LRBA: variants seen among roughly 807,000 people sequenced by gnomAD.
LRBA encodes the protein LPS responsive beige-like anchor protein, also known as lipopolysaccharide-responsive and beige-like anchor protein.
In LRBA, 176 loss-of-function variants were observed where a neutral mutation model predicts 330.0. That is an observed-to-expected ratio of 0.53 (90% CI 0.47 to 0.60). The LOEUF is 0.60. LRBA is among the 20% of genes least tolerant of loss of function. The probability of loss-of-function intolerance (pLI) is 0.00; values close to 1 mark genes in which losing one functional copy is unlikely to be tolerated. For synonymous variants in LRBA, 1,230 were observed against 1,193.0 expected, an observed-to-expected ratio of 1.03 and a Z score of -0.64; for missense variants, 3,259 against 3,444.8, an observed-to-expected ratio of 0.95 and a Z score of 1.35.
chr4:150,953,900 C>A (rs1429665391), intron 2 of LRBA, among the ~76,000 whole-genome samples: 11 of 149,850 alleles, frequency 7.3e-5, no homozygotes, highest in Non-Finnish European at 1.2e-4. Flanking sequence ...CGGCCGTCAT[C>A]CCGTCTAGGA....
chr4:150,618,568 A>C (rs1775991776), intron 37 of LRBA, among the ~76,000 whole-genome samples: 1 of 152,098 alleles, frequency 6.6e-6, no homozygotes, highest in South Asian at 2.1e-4. Flanking sequence ...AAGTTAAAAA[A>C]GTATAAAGCC....
intron 34 of LRBA, among the ~76,000 whole-genome samples, chr4:150,786,247 T>C (rs896188405): frequency 6.8e-6 from 1 of 147,656 alleles, no homozygotes; most frequent in African/African-American, 2.5e-5. Context: ...TTTTGCATTT[T>C]GCATTTCTTT....
At chr4:150,593,946 A>T (rs1348591433) in intron 38 of LRBA, among the ~76,000 whole-genome samples, 1 of 152,184 alleles carries the variant, frequency 6.6e-6, no homozygotes, top group Admixed American at 6.5e-5. Context: ...AATTGCAATT[A>T]AAAAATTTTT....
chr4:150,777,194 A>G (rs970589241), intron 34 of LRBA, among the ~76,000 whole-genome samples: 1 of 152,002 alleles, frequency 6.6e-6, no homozygotes, highest in African/African-American at 2.4e-5. Flanking sequence ...CCTGACCTCA[A>G]GCAATCCTCC....
chr4:150,703,655 A>C (rs1785328326), intron 36 of LRBA, among the ~76,000 whole-genome samples: 2 of 152,212 alleles, frequency 1.3e-5, no homozygotes, highest in Admixed American at 6.5e-5. Context: ...CGTCCATAAC[A>C]AAACAAAAGG....
Position 150,414,692 on chromosome 4 carries a change from T to C in LRBA, c.7194+746A>G, listed in dbSNP as rs575639198. 2.1e-3 allele frequency among the ~76,000 whole-genome samples: 313 copies of C among 152,230 alleles called. 1 individual carries two copies. Among genetic ancestry groups the C allele is most frequent in the Non-Finnish European group, 1.1e-3 (78 of 68,008 alleles). The stretch of plus-strand genomic sequence containing the variant: ...TTTTAATAGCAGTGGGGTTTCACCA[T>C]GTTGGGCAGGCTGGTCTCGAACTCC... On this transcript the variant is annotated intron_variant, in intron 47 of 56. Coordinates refer to ENST00000651943, the MANE Select transcript of LRBA (RefSeq NM_001364905.1).
Position 150,321,507 on chromosome 4 carries a change from C to G in LRBA, c.7453-139G>C. 1 of 635,968 alleles carries G rather than the reference C, an allele frequency of 1.6e-6. No individual in the cohort carries two copies. Among genetic ancestry groups the G allele is most frequent in the Non-Finnish European group, 2.5e-6 (1 of 395,340 alleles). 39.4% of individuals were successfully genotyped at this position (635,968 alleles called of 1,614,324 possible). ...TTAACATGAGTTGTAAGTGGAAGCACAGTGAGCAGAAAGGCTTGTAGAAAC... is the reference window on the plus strand; with the variant it reads ...TTAACATGAGTTGTAAGTGGAAGCAGAGTGAGCAGAAAGGCTTGTAGAAAC... On this transcript the variant is annotated intron_variant, in intron 49 of 56. Coordinates refer to ENST00000651943, the MANE Select transcript of LRBA (RefSeq NM_001364905.1). The surrounding 1 kb of genome is among the most constrained non-coding windows in gnomAD (Gnocchi z 4.5).
intron 47 of LRBA, among the ~76,000 whole-genome samples, chr4:150,374,906 C>T (rs1354669530): frequency 1.3e-5 from 2 of 152,148 alleles, no homozygotes; most frequent in African/African-American, 4.8e-5. Flanking sequence ...AACTAATATA[C>T]TCAGTGTACG....
chr4:150,444,632 AC>A (rs751803409), intron 44 of LRBA, among the ~76,000 whole-genome samples: 4 of 152,194 alleles, frequency 2.6e-5, no homozygotes, highest in Non-Finnish European at 5.9e-5. Flanking sequence ...TCAGCACACC[AC>A]CGTGGCTTTT....
At chr4:150,663,979 GA>G (rs1781353506) in intron 37 of LRBA, among the ~76,000 whole-genome samples, 1 of 152,092 alleles carries the variant, frequency 6.6e-6, no homozygotes, top group African/African-American at 2.4e-5. Flanking sequence ...AAGAGCATGA[GA>G]AAATATAAAG....
intron 13 of LRBA, among the ~76,000 whole-genome samples, chr4:150,902,368 CT>C (rs992802200): frequency 3.3e-5 from 5 of 151,270 alleles, no homozygotes; most frequent in South Asian, 2.1e-4. Flanking sequence ...AAAAACTTTT[CT>C]TTTTTTTTAA....
chr4:150,736,467 TAA>T (rs1295957858), intron 35 of LRBA, among the ~76,000 whole-genome samples: 1 of 151,518 alleles, frequency 6.6e-6, no homozygotes, highest in African/African-American at 2.4e-5. Flanking sequence ...TAAATAAATA[TAA>T]AAATAGATTT....
chr4:150,471,255 C>A (rs1448369346), intron 43 of LRBA, among the ~76,000 whole-genome samples: 5 of 152,126 alleles, frequency 3.3e-5, no homozygotes, highest in Non-Finnish European at 5.9e-5. Flanking sequence ...AACATTCCAA[C>A]CACCTCCTCT....
chr4:150,771,396 C>G lies in LRBA; in HGVS notation c.5581-9549G>C, dbSNP rs535691498. ...CCAGCTGCTTGAGGATGGTGGGGAA[C>G]ATAGCAAGGCCAGTGAATTCCATGA... On this transcript the variant is annotated intron_variant, in intron 34 of 56. Transcript: ENST00000651943. Among the ~76,000 whole-genome samples the G allele has an allele frequency of 9.2e-5, 14 of 152,244 alleles. No individual in the cohort carries two copies. The South Asian group carries it at 2.9e-3, about 32-fold the overall frequency.
chr4:150,720,808 T>G (rs748069671), intron 36 of LRBA, among the ~76,000 whole-genome samples: 6 of 152,154 alleles, frequency 3.9e-5, no homozygotes, highest in Admixed American at 2.0e-4. Context: ...AAAGAATTTT[T>G]TGGACAAAGA....
rs944517631 is a variant in LRBA, at chr4:150,417,660, A to C, written c.7042-2070T>G. On this transcript the variant is annotated intron_variant, in intron 46 of 56. Transcript: ENST00000651943. ...TTCTCCTAGATTCAAAGCAATAATT[A>C]TAATGGATGAATTTTAAGTGCTAGT... is the stretch of plus-strand genomic sequence containing the variant. Among the ~76,000 whole-genome samples the C allele has an allele frequency of 1.3e-4, 20 of 152,290 alleles. 1 individual carries two copies. In the South Asian group the frequency reaches 1.9e-3, roughly 14 times the overall value.
In LRBA at chr4:150,963,775, T is replaced by C. The variant is rs1163976603; in HGVS notation, c.217-34710A>G. 2.1e-5 allele frequency among the ~76,000 whole-genome samples: 3 copies of C among 143,330 alleles called. 1 individual carries two copies. The highest frequency in any genetic ancestry group is 8.4e-5 in the African/African-American group (3 of 35,582). 94.0% of individuals were successfully genotyped at this position (143,330 alleles called of 152,430 possible). ...GCCTGGCCGCCCATCGTCTGGGATG[T>C]GAGGAGCCCCTCCGCCCGGCCCCCC... On this transcript the variant is annotated intron_variant, in intron 2 of 56. Coordinates refer to ENST00000651943, the MANE Select transcript of LRBA (RefSeq NM_001364905.1).
intron 36 of LRBA, among the ~76,000 whole-genome samples, chr4:150,732,700 G>A (rs1447535629): frequency 6.6e-6 from 1 of 151,918 alleles, no homozygotes; most frequent in Admixed American, 6.6e-5. Context: ...GTTTTTCCAA[G>A]TTGTTGATGG....
At chr4:150,467,003 GA>G (rs1378838565) in intron 44 of LRBA, among the ~76,000 whole-genome samples, 1 of 152,086 alleles carries the variant, frequency 6.6e-6, no homozygotes, top group Non-Finnish European at 1.5e-5. Flanking sequence ...ATCTGGGCCA[GA>G]AAATGTAAGG....
Sources: allele counts gnomAD v4.1 joint callset (sites outside exome capture counted in the v4.1 genomes callset), GRCh38; gene constraint gnomAD v4.1.1; non-coding constraint Gnocchi (gnomAD v3.1); transcripts MANE v1.5; gene names NCBI Gene and HGNC (gene_info 2026-07-23, HGNC 2026-07-21).